The following CCSER1 variants were observed in gnomAD, a reference collection of about 807,000 sequenced individuals.
CCSER1 encodes the protein coiled-coil serine rich protein 1.
In CCSER1, 41 loss-of-function variants were observed where a neutral mutation model predicts 82.0. That is an observed-to-expected ratio of 0.50 (90% CI 0.39 to 0.65). CCSER1 has a LOEUF of 0.65. Among genes scored for constraint, CCSER1 ranks in the 30% least tolerant of loss-of-function variants. The pLI, the probability that CCSER1 is intolerant of heterozygous loss-of-function variation, is 0.00. For missense variants in CCSER1, 1,119 were observed against 1,064.2 expected (o/e 1.05, Z -0.72); for synonymous variants, 414 against 383.9 (o/e 1.08, Z -0.92).
chr4:91,563,942 A>T (rs184073663), intron 10 of CCSER1, among the ~76,000 whole-genome samples: 204 of 151,892 alleles, frequency 1.3e-3, no homozygotes, highest in African/African-American at 4.7e-3. Flanking sequence ...TTCATAGGTA[A>T]ACACGTGTCA....
chr4:91,458,457 A>T (rs1262350777), intron 10 of CCSER1, among the ~76,000 whole-genome samples: 1 of 152,092 alleles, frequency 6.6e-6, no homozygotes, highest in Non-Finnish European at 1.5e-5. Context: ...AGGTAGTGAG[A>T]TGCCTCCAGG....
chr4:91,157,316 TAAG>T (rs1730911333), intron 10 of CCSER1, among the ~76,000 whole-genome samples: 1 of 151,972 alleles, frequency 6.6e-6, no homozygotes, highest in Non-Finnish European at 1.5e-5. Flanking sequence ...AAGTTGAAAT[TAAG>T]AAGTAACAAC....
At chr4:90,286,268 C>T (rs1729869564) in intron 1 of CCSER1, among the ~76,000 whole-genome samples, 1 of 151,844 alleles carries the variant, frequency 6.6e-6, no homozygotes, top group African/African-American at 2.4e-5. Flanking sequence ...AGGTCCTGGG[C>T]TTTTTTTCAT....
At chr4:90,963,474 T>G (rs1165252316) in intron 9 of CCSER1, among the ~76,000 whole-genome samples, 1 of 152,108 alleles carries the variant, frequency 6.6e-6, no homozygotes, top group Non-Finnish European at 1.5e-5. Flanking sequence ...TAACCCACAG[T>G]AGCTTAGAAT....
At chr4:91,082,352 A>G (rs1272405418) in intron 9 of CCSER1, among the ~76,000 whole-genome samples, 12 of 152,162 alleles carry the variant, frequency 7.9e-5, no homozygotes, top group East Asian at 1.9e-4. Context: ...AAACTGGCTA[A>G]CCATATGTAG....
intron 10 of CCSER1, among the ~76,000 whole-genome samples, chr4:91,182,646 G>C (rs1464355905): frequency 6.6e-6 from 1 of 152,134 alleles, no homozygotes; most frequent in Non-Finnish European, 1.5e-5. Flanking sequence ...GGCTATTATA[G>C]CCTGGGGCAT....
At chr4:90,952,687 A>T (rs765081344) in intron 9 of CCSER1, among the ~76,000 whole-genome samples, 4 of 152,082 alleles carry the variant, frequency 2.6e-5, no homozygotes, top group Non-Finnish European at 4.4e-5. Context: ...AGTCTCTATT[A>T]TTCAAGGTGA....
chr4:90,335,533 A>G (rs1383620142), intron 3 of CCSER1, among the ~76,000 whole-genome samples: 1 of 152,212 alleles, frequency 6.6e-6, no homozygotes, highest in African/African-American at 2.4e-5. Flanking sequence ...CATTTCATCT[A>G]TAATTTTCAT....
intron 7 of CCSER1, among the ~76,000 whole-genome samples, chr4:90,745,534 A>G (rs1172653175): frequency 1.3e-5 from 2 of 152,168 alleles, no homozygotes; most frequent in Non-Finnish European, 2.9e-5. Flanking sequence ...CTTACCAAGT[A>G]ACTTTTGTTC....
At chr4:91,478,281 G>A (rs1757702291) in intron 10 of CCSER1, among the ~76,000 whole-genome samples, 1 of 151,652 alleles carries the variant, frequency 6.6e-6, no homozygotes, top group Admixed American at 6.6e-5. Flanking sequence ...TTAGCTGCTG[G>A]GCAATTACAT....
chr4:90,391,125 A>T (rs867727062), intron 3 of CCSER1, among the ~76,000 whole-genome samples: 152 of 148,526 alleles, frequency 1.0e-3, no homozygotes, highest in Non-Finnish European at 1.0e-3. Flanking sequence ...AAAAAAAAAA[A>T]GGCTGAGCAT....
chr4:91,205,280 T>A (rs1173330495), intron 10 of CCSER1, among the ~76,000 whole-genome samples: 2 of 151,870 alleles, frequency 1.3e-5, no homozygotes, highest in African/African-American at 4.8e-5. Flanking sequence ...TTAAGCTGTG[T>A]ACTGTCTAAT....
intron 3 of CCSER1, among the ~76,000 whole-genome samples, chr4:90,378,341 A>G (rs1188259929): frequency 3.3e-5 from 5 of 152,200 alleles, no homozygotes; most frequent in Non-Finnish European, 5.9e-5. Context: ...TGTGAGCTAG[A>G]AAAGCAGAAC....
intron 10 of CCSER1, among the ~76,000 whole-genome samples, chr4:91,345,063 G>A (rs956783948): frequency 6.6e-6 from 1 of 152,228 alleles, no homozygotes; most frequent in South Asian, 2.1e-4. Flanking sequence ...GAAGAAGGAA[G>A]CACTTTCCTA....
chr4:90,261,899 T>G (rs1724391963), intron 1 of CCSER1, among the ~76,000 whole-genome samples: 1 of 152,162 alleles, frequency 6.6e-6, no homozygotes, highest in Non-Finnish European at 1.5e-5. Context: ...AAACTTTCTG[T>G]TACATTTTGT....
At chr4:91,184,280 A>G (rs926990049) in intron 10 of CCSER1, among the ~76,000 whole-genome samples, 1 of 152,256 alleles carries the variant, frequency 6.6e-6, no homozygotes, top group Non-Finnish European at 1.5e-5. Context: ...AACACTTTCC[A>G]ATGATAACAC....
At chr4:90,720,400 T>G (rs1742472391) in intron 6 of CCSER1, among the ~76,000 whole-genome samples, 1 of 152,082 alleles carries the variant, frequency 6.6e-6, no homozygotes, top group Non-Finnish European at 1.5e-5. Context: ...AACATAAGAC[T>G]TATACAATAA....
chr4:91,118,055 A>G (rs749143557), intron 10 of CCSER1, among the ~76,000 whole-genome samples: 6 of 152,072 alleles, frequency 3.9e-5, no homozygotes, highest in Non-Finnish European at 5.9e-5. Context: ...TGCTAACATT[A>G]TGTATGTCTG....
At chr4:90,843,631 T>C (rs1401101267) in intron 8 of CCSER1, among the ~76,000 whole-genome samples, 1 of 152,228 alleles carries the variant, frequency 6.6e-6, no homozygotes, top group Non-Finnish European at 1.5e-5. Flanking sequence ...AACAGAATCA[T>C]TCTCTCATAC....
Sources: gnomAD v4.1 joint callset for allele counts (sites outside exome capture counted in the v4.1 genomes callset) on GRCh38, gnomAD v4.1.1 for gene constraint, MANE v1.5 for transcripts, NCBI Gene and HGNC (gene_info 2026-07-23, HGNC 2026-07-21) for gene names.